MGAT4C: variants seen among roughly 807,000 people sequenced by gnomAD.
MGAT4C encodes alpha-1,3-mannosyl-glycoprotein 4-beta-N-acetylglucosaminyltransferase C.
A neutral mutation model predicts 40.1 loss-of-function variants in MGAT4C; 19 were observed. The ratio of observed to expected loss-of-function variants is 0.47; its 90% CI spans 0.33 to 0.70. MGAT4C has a LOEUF of 0.70. MGAT4C is among the 30% of genes least tolerant of loss of function. The pLI is 0.02. For synonymous variants in MGAT4C, 181 were observed against 187.1 expected (o/e 0.97, Z 0.27); for missense variants, 491 against 563.2 (o/e 0.87, Z 1.30).
Position 85,971,388 on chromosome 12 carries a change from A to T in MGAT4C, c.*7901T>A, listed in dbSNP as rs2136659421. 1 of 151,276 alleles carries T rather than the reference A, an allele frequency of 6.6e-6. No homozygotes were observed. The highest frequency in any genetic ancestry group is 2.4e-5 in the African/African-American group (1 of 41,486). The allele number at this position is 151,276 out of a possible 1,614,324, so 9.4% of individuals were successfully genotyped here. A position where few individuals can be genotyped will look rare whatever the true frequency, so the allele number is the denominator to read the frequency against. On this transcript the variant is annotated 3_prime_UTR_variant, in exon 5 of 5. Transcript: ENST00000611864. ...AAAATATGTTGTTAACTTTTCAAAG[A>T]TGATCGGTTTAGATTGCTTTAACTT... is the stretch of plus-strand genomic sequence containing the variant.
At chr12:86,700,178 CAGATAGATAGATAGATAGATAGAT>C (rs370834701) in intron 2 of MGAT4C, among the ~76,000 whole-genome samples, 3 of 140,668 alleles carry the variant, frequency 2.1e-5, no homozygotes, top group South Asian at 2.3e-4. Flanking sequence ...GACAGACAGA[CAGATAGATAGATAGATAGATAGAT>C]AGATAGATAG....
At chr12:86,827,810 C>T in intron 1 of MGAT4C, among the ~76,000 whole-genome samples, 1 of 151,230 alleles carries the variant, frequency 6.6e-6, no homozygotes, top group South Asian at 2.1e-4. Context: ...TGTATAAAGG[C>T]ATCATACCAT....
At chr12:86,614,383 C>T (rs1023888234) in intron 2 of MGAT4C, among the ~76,000 whole-genome samples, 8 of 152,004 alleles carry the variant, frequency 5.3e-5, no homozygotes, top group African/African-American at 9.7e-5. Context: ...TGTCCTCTGA[C>T]GATGCAGTGA....
intron 3 of MGAT4C, among the ~76,000 whole-genome samples, chr12:86,399,724 C>T (rs914635122): frequency 2.0e-5 from 3 of 152,190 alleles, no homozygotes; most frequent in Admixed American, 6.5e-5. Flanking sequence ...TGAACAGGAA[C>T]TCATCCACAT....
At chr12:86,235,486 T>C (rs1212978223) in intron 1 of MGAT4C, among the ~76,000 whole-genome samples, 2 of 152,062 alleles carry the variant, frequency 1.3e-5, no homozygotes, top group Non-Finnish European at 2.9e-5. Flanking sequence ...TATTTTGTAA[T>C]AGTTCCTCTC....
chr12:86,148,394 C>G (rs1883838772), intron 1 of MGAT4C, among the ~76,000 whole-genome samples: 1 of 152,140 alleles, frequency 6.6e-6, no homozygotes, highest in Admixed American at 6.5e-5. Context: ...ATTGTATATG[C>G]AAAACTGTGC....
intron 1 of MGAT4C, among the ~76,000 whole-genome samples, chr12:86,138,591 C>A (rs1289942393): frequency 7.0e-6 from 1 of 142,472 alleles, no homozygotes; most frequent in African/African-American, 2.6e-5. Flanking sequence ...ATATATATTT[C>A]CATATATATA....
In MGAT4C at chr12:86,049,759, C is replaced by A. The variant is rs548555514; in HGVS notation, c.-56-36G>T. 7.4e-6 allele frequency: 6 copies of A among 811,406 alleles called. No homozygotes were observed. The East Asian group carries it at 7.5e-4, about 101-fold the overall frequency. 50.3% of individuals were successfully genotyped at this position (811,406 alleles called of 1,614,324 possible). A position where few individuals can be genotyped will look rare whatever the true frequency, so the allele number is the denominator to read the frequency against. Reference sequence around the variant, plus strand: ...GAAAGTCTAATATTACTAATACAACCCACTGGTTTCTTGCTGATAAAAGTA... The same window carrying A: ...GAAAGTCTAATATTACTAATACAACACACTGGTTTCTTGCTGATAAAAGTA... On this transcript the variant is annotated intron_variant, in intron 1 of 4. Coordinates refer to ENST00000611864, the MANE Select transcript of MGAT4C (RefSeq NM_001351288.2).
At chr12:86,392,022 T>C (rs1347918707) in intron 3 of MGAT4C, among the ~76,000 whole-genome samples, 5 of 152,180 alleles carry the variant, frequency 3.3e-5, no homozygotes, top group Non-Finnish European at 7.3e-5. Flanking sequence ...AGGATAATAA[T>C]ACCCTGCCTT....
intron 4 of MGAT4C, among the ~76,000 whole-genome samples, chr12:86,298,015 A>T (rs1166464155): frequency 6.6e-6 from 1 of 152,188 alleles, no homozygotes; most frequent in African/African-American, 2.4e-5. Flanking sequence ...GTTGTTATAT[A>T]AATACATACA....
At chr12:86,479,535 C>A (rs1592897260) in intron 2 of MGAT4C, among the ~76,000 whole-genome samples, 1 of 151,832 alleles carries the variant, frequency 6.6e-6, no homozygotes, top group African/African-American at 2.4e-5. Context: ...TCTAAAAGGT[C>A]ACATGATATG....
rs150288805 is a variant in MGAT4C at position 86,560,698 on chromosome 12, A to G, written c.-228-125433T>C. Among the ~76,000 whole-genome samples, 827 of 152,064 alleles carry G rather than the reference A, an allele frequency of 5.4e-3. 4 individuals are homozygous for G. The highest frequency in any genetic ancestry group is 9.0e-3 in the Non-Finnish European group (613 of 68,012). The stretch of plus-strand genomic sequence containing the variant: ...GCTAATATTATACTGAACTGGGAAA[A>G]GCTGAACACATTTTTTATAATAACT... On this transcript the variant is annotated intron_variant, in intron 2 of 7. Transcript: ENST00000548651.
rs1008400560 is a variant in MGAT4C at position 86,696,229 on chromosome 12, T to C, written c.-229+30980A>G. 4.6e-5 allele frequency among the ~76,000 whole-genome samples: 7 copies of C among 151,638 alleles called. No individual in the cohort carries two copies. The South Asian group carries it at 1.2e-3, about 27-fold the overall frequency. On this transcript the variant is annotated intron_variant, in intron 2 of 7. Coordinates refer to the MGAT4C transcript ENST00000548651. ...GTGAGACTCAGAAAAAAAAAAAGTA[T>C]AATTGGATTGTTTGTAGCACAAAGA...
chr12:86,569,614 C>T (rs553563571), intron 2 of MGAT4C, among the ~76,000 whole-genome samples: 47 of 151,822 alleles, frequency 3.1e-4, no homozygotes, highest in Non-Finnish European at 4.0e-4. Flanking sequence ...ACAGCCATTA[C>T]GGAAAAACAG....
intron 2 of MGAT4C, among the ~76,000 whole-genome samples, chr12:86,441,470 T>A (rs1024285737): frequency 2.0e-5 from 3 of 150,928 alleles, no homozygotes; most frequent in Non-Finnish European, 4.4e-5. Flanking sequence ...TAACATTGAG[T>A]ACACCTCCTA....
intron 3 of MGAT4C, among the ~76,000 whole-genome samples, chr12:85,986,292 A>G (rs1286020040): frequency 1.3e-5 from 2 of 152,178 alleles, no homozygotes; most frequent in East Asian, 3.9e-4. Context: ...AAGCTTTATG[A>G]CAATCATTTT....
At chr12:86,480,843 G>A (rs1282097001) in intron 2 of MGAT4C, among the ~76,000 whole-genome samples, 2 of 151,494 alleles carry the variant, frequency 1.3e-5, no homozygotes, top group East Asian at 3.9e-4. Context: ...ACAACCTTTT[G>A]TATTGTTTTT....
intron 2 of MGAT4C, among the ~76,000 whole-genome samples, chr12:86,675,090 G>T (rs1964357977): frequency 6.6e-6 from 1 of 152,074 alleles, no homozygotes; most frequent in Non-Finnish European, 1.5e-5. Flanking sequence ...TCAAGATTGT[G>T]CTGCAAATAC....
chr12:86,778,740 T>C (rs151120012), intron 1 of MGAT4C, among the ~76,000 whole-genome samples: 1 of 152,172 alleles, frequency 6.6e-6, no homozygotes, highest in Non-Finnish European at 1.5e-5. Context: ...TTCCCCTGCA[T>C]AGAATGCAGT....
Sources: allele counts gnomAD v4.1 joint callset (sites outside exome capture counted in the v4.1 genomes callset), GRCh38; gene constraint gnomAD v4.1.1; transcripts MANE v1.5; gene names NCBI Gene and HGNC (gene_info 2026-07-23, HGNC 2026-07-21).